Variants in LRP1B observed in about 807,000 individuals in gnomAD.
The protein encoded by LRP1B is LDL receptor related protein 1B.
LRP1B carries 217 observed loss-of-function variants against 556.6 expected under a neutral mutation model. The observed-to-expected ratio is 0.39, with a 90% confidence interval of 0.35 to 0.44. The LOEUF (loss-of-function observed/expected upper bound fraction) is 0.44, where lower values mean the gene tolerates loss of function less well. LRP1B is among the 20% of genes least tolerant of loss of function. The pLI is 1.00. For synonymous variants in LRP1B, 2,047 were observed against 1,865.8 expected, an observed-to-expected ratio of 1.10 and a Z score of -2.50; for missense variants, 5,053 against 5,620.8, an observed-to-expected ratio of 0.90 and a Z score of 3.23.
intron 2 of LRP1B, among the ~76,000 whole-genome samples, chr2:141,496,285 A>T (rs1388205322): frequency 6.6e-6 from 1 of 151,976 alleles, no homozygotes; most frequent in Non-Finnish European, 1.5e-5. Flanking sequence ...CTAAAAAAAA[A>T]ATGCCAAACT....
At chr2:140,589,994 T>C (rs1682151015) in intron 43 of LRP1B, among the ~76,000 whole-genome samples, 1 of 152,114 alleles carries the variant, frequency 6.6e-6, no homozygotes, top group Non-Finnish European at 1.5e-5. Flanking sequence ...GATGTAATCA[T>C]TAGGGAAAAC....
chr2:141,173,055 T>TAA (rs5834814), intron 7 of LRP1B, among the ~76,000 whole-genome samples: 48 of 146,876 alleles, frequency 3.3e-4, no homozygotes, highest in African/African-American at 9.2e-4. Flanking sequence ...GCTTTAAAAT[T>TAA]AAAAAAAAAA....
At chr2:141,145,006 C>A (rs1195956047) in intron 7 of LRP1B, among the ~76,000 whole-genome samples, 1 of 152,190 alleles carries the variant, frequency 6.6e-6, no homozygotes, top group Non-Finnish European at 1.5e-5. Flanking sequence ...GCTGAGCAAA[C>A]AGACAAATTG....
At chr2:140,848,899 G>A (rs994391893) in intron 29 of LRP1B, among the ~76,000 whole-genome samples, 2 of 152,086 alleles carry the variant, frequency 1.3e-5, no homozygotes, top group African/African-American at 4.8e-5. Context: ...TGTTCTCAGT[G>A]TTGGGACAAG....
intron 2 of LRP1B, among the ~76,000 whole-genome samples, chr2:141,610,009 G>A (rs919425943): frequency 2.6e-5 from 4 of 151,998 alleles, no homozygotes; most frequent in Non-Finnish European, 5.9e-5. Flanking sequence ...GGATATTTTG[G>A]GACAGATCAT....
chr2:141,216,367 G>A (rs2105265048), intron 6 of LRP1B, among the ~76,000 whole-genome samples: 1 of 152,366 alleles, frequency 6.6e-6, no homozygotes, highest in East Asian at 1.9e-4. Context: ...TTCAGAGGAT[G>A]TATGGGAAAG....
chr2:140,789,366 T>C (rs1690026078), intron 32 of LRP1B, among the ~76,000 whole-genome samples: 2 of 152,166 alleles, frequency 1.3e-5, no homozygotes, highest in South Asian at 2.1e-4. Flanking sequence ...GTCTCTCCCA[T>C]GAACTCCTAA....
chr2:140,597,424 CATA>C (rs36050170), intron 43 of LRP1B, among the ~76,000 whole-genome samples: 1,537 of 152,088 alleles, frequency 0.01, 25 homozygotes, highest in African/African-American at 0.035. Flanking sequence ...AATATCATGA[CATA>C]ATAAAAAATG....
intron 41 of LRP1B, among the ~76,000 whole-genome samples, chr2:140,660,312 TTA>T (rs1318916943): frequency 6.6e-6 from 1 of 152,108 alleles, no homozygotes; most frequent in African/African-American, 2.4e-5. Flanking sequence ...TCCAGTATTT[TTA>T]TATGTCAATT....
intron 43 of LRP1B, among the ~76,000 whole-genome samples, chr2:140,584,949 T>A (rs368700769): frequency 1.3e-5 from 2 of 152,224 alleles, no homozygotes; most frequent in East Asian, 3.9e-4. Context: ...TCTTTTAGTT[T>A]ATTTACTCGT....
intron 14 of LRP1B, among the ~76,000 whole-genome samples, chr2:141,008,161 A>C (rs945263186): frequency 6.6e-6 from 1 of 151,390 alleles, no homozygotes; most frequent in Non-Finnish European, 1.5e-5. Context: ...TGGTGCTAAA[A>C]ATTTTTATAC....
At chr2:141,807,530 A>G (rs1170795973) in intron 2 of LRP1B, among the ~76,000 whole-genome samples, 1 of 152,116 alleles carries the variant, frequency 6.6e-6, no homozygotes, top group Non-Finnish European at 1.5e-5. Context: ...TTAATTTTGG[A>G]TCCATCAAAT....
chr2:141,861,905 G>A lies in LRP1B; in HGVS notation c.83-51504C>T, dbSNP rs187698166. On this transcript the variant is annotated intron_variant, in intron 1 of 90. Transcript: ENST00000389484. ...AGATAGTGCCACTGCACTTTAGCCT[G>A]GGCAACAGAGTGAGACTCCATCTCA... Among the ~76,000 whole-genome samples, 61 of 151,662 alleles carry A rather than the reference G, an allele frequency of 4.0e-4. No homozygotes were observed. The East Asian group carries it at 0.011, about 28-fold the overall frequency.
At chr2:140,339,612 A>G (rs929707896) in intron 77 of LRP1B, among the ~76,000 whole-genome samples, 2 of 151,762 alleles carry the variant, frequency 1.3e-5, no homozygotes, top group African/African-American at 4.8e-5. Flanking sequence ...TTACTAAATG[A>G]AAAGACTATT....
At chr2:142,090,017 A>G (rs939748552) in intron 1 of LRP1B, among the ~76,000 whole-genome samples, 11 of 152,088 alleles carry the variant, frequency 7.2e-5, no homozygotes, top group Non-Finnish European at 1.5e-4. Flanking sequence ...AAAAAAAGTA[A>G]AGTGTCAGAT....
intron 41 of LRP1B, among the ~76,000 whole-genome samples, chr2:140,691,662 TA>T (rs1350254246): frequency 3.9e-5 from 6 of 152,214 alleles, no homozygotes; most frequent in Non-Finnish European, 1.5e-5. Flanking sequence ...TCAATGTCTA[TA>T]AATATAAAGA....
At position 141,359,395 on chromosome 2, in the gene LRP1B, A is replaced by G. The variant is rs187756798; in HGVS notation, c.344-104754T>C. Among the ~76,000 whole-genome samples, 82 of 152,280 alleles carry G rather than the reference A, an allele frequency of 5.4e-4. 1 individual carries two copies. The East Asian group carries it at 0.015, about 28-fold the overall frequency. On this transcript the variant is annotated intron_variant, in intron 3 of 90. Coordinates refer to ENST00000389484, the MANE Select transcript of LRP1B (RefSeq NM_018557.3). ...GTACATACAGGAGAAGAGAGAAAAT[A>G]TTACATTATAAATGCTATGCACAAA...
chr2:140,980,775 A>G (rs1696745892), intron 18 of LRP1B, among the ~76,000 whole-genome samples: 2 of 152,236 alleles, frequency 1.3e-5, no homozygotes, highest in African/African-American at 2.4e-5. Context: ...CATTATATGA[A>G]AAAGACACAT....
In LRP1B at chr2:142,042,182, C is replaced by T. The variant is rs554700898; in HGVS notation, c.82+88466G>A. 2.0e-5 allele frequency among the ~76,000 whole-genome samples: 3 copies of T among 151,324 alleles called. No homozygotes were observed. The South Asian group carries it at 6.2e-4, about 31-fold the overall frequency. The stretch of plus-strand genomic sequence containing the variant: ...GCTACTGTCTGCGGTACATTATAAC[C>T]CTGGCCTGCTGATAATAAGCCTTAC... On this transcript the variant is annotated intron_variant, in intron 1 of 90. Transcript: ENST00000389484.
Sources: allele counts gnomAD v4.1 joint callset (sites outside exome capture counted in the v4.1 genomes callset), GRCh38; gene constraint gnomAD v4.1.1; transcripts MANE v1.5; gene names NCBI Gene and HGNC (gene_info 2026-07-23, HGNC 2026-07-21).